Variants in CACNA1D observed in about 807,000 individuals in gnomAD.
The protein encoded by CACNA1D is voltage-dependent L-type calcium channel subunit alpha-1D.
A neutral mutation model predicts 257.1 loss-of-function variants in CACNA1D; 55 were observed. That is an observed-to-expected ratio of 0.21 (90% CI 0.17 to 0.27). The LOEUF (loss-of-function observed/expected upper bound fraction) is 0.27, where lower values mean the gene tolerates loss of function less well. CACNA1D is among the 10% of genes least tolerant of loss of function. The probability of loss-of-function intolerance (pLI) is 1.00; values close to 1 mark genes in which losing one functional copy is unlikely to be tolerated. For synonymous variants in CACNA1D, 980 were observed against 1,014.9 expected (o/e 0.97, Z 0.65); for missense variants, 1,876 against 2,784.0 (o/e 0.67, Z 7.34).
chr3:53,551,946 C>A (rs2107586711), intron 3 of CACNA1D, among the ~76,000 whole-genome samples: 1 of 152,290 alleles, frequency 6.6e-6, no homozygotes, highest in Non-Finnish European at 1.5e-5. Context: ...GTTTGTCTTC[C>A]CCTGGGGCTA....
intron 30 of CACNA1D, 150 bp downstream of exon 30, chr3:53,762,231 G>A: frequency 1.4e-6 from 1 of 708,722 alleles, no homozygotes; most frequent in Non-Finnish European, 2.6e-6. Flanking sequence ...AGAGCTGTAG[G>A]CAAGACGTGT....
At chr3:53,630,024 T>A (rs2093804703) in intron 3 of CACNA1D, among the ~76,000 whole-genome samples, 1 of 152,190 alleles carries the variant, frequency 6.6e-6, no homozygotes, top group African/African-American at 2.4e-5. Context: ...GCTGCACCTG[T>A]CCTTATATTT....
At chr3:53,645,767 C>T (rs887601005) in intron 3 of CACNA1D, among the ~76,000 whole-genome samples, 8 of 152,038 alleles carry the variant, frequency 5.3e-5, no homozygotes, top group African/African-American at 1.9e-4. Flanking sequence ...TCTGGGAGGT[C>T]AGTAAAGGTT....
At chr3:53,699,220 C>T (rs545972568) in intron 8 of CACNA1D, among the ~76,000 whole-genome samples, 1 of 152,270 alleles carries the variant, frequency 6.6e-6, no homozygotes, top group Non-Finnish European at 1.5e-5. Flanking sequence ...ACCCATGTGT[C>T]CTTCTATGTG....
chr3:53,777,266 G>A (rs115854528), intron 37 of CACNA1D, among the ~76,000 whole-genome samples: 5,731 of 152,262 alleles, frequency 0.038, 167 homozygotes, highest in Middle Eastern at 0.095. Context: ...AAGGAGGCAG[G>A]AGAATGGACA....
At chr3:53,662,668 C>T (rs2094216242) in intron 5 of CACNA1D, among the ~76,000 whole-genome samples, 1 of 152,196 alleles carries the variant, frequency 6.6e-6, no homozygotes, top group Admixed American at 6.5e-5. Flanking sequence ...CCACTTCTGC[C>T]TCCTTGACTA....
At chr3:53,535,221 A>G (rs1264562581) in intron 3 of CACNA1D, among the ~76,000 whole-genome samples, 1 of 151,504 alleles carries the variant, frequency 6.6e-6, no homozygotes, top group Non-Finnish European at 1.5e-5. Flanking sequence ...GAGCCTGGGC[A>G]CTCTCCCCTG....
intron 37 of CACNA1D, among the ~76,000 whole-genome samples, chr3:53,778,527 T>C (rs942968536): frequency 2.0e-5 from 3 of 152,234 alleles, no homozygotes; most frequent in African/African-American, 7.2e-5. Flanking sequence ...AATCTTTTCT[T>C]TTGGAACATG....
chr3:53,691,169 G>A (rs1336014443), intron 8 of CACNA1D, among the ~76,000 whole-genome samples: 1 of 148,852 alleles, frequency 6.7e-6, no homozygotes, highest in Non-Finnish European at 1.5e-5. Context: ...TTTTGGGGGG[G>A]AGATGGAGTC....
chr3:53,584,283 G>T (rs1394900264), intron 3 of CACNA1D, among the ~76,000 whole-genome samples: 1 of 152,190 alleles, frequency 6.6e-6, no homozygotes, highest in Non-Finnish European at 1.5e-5. Context: ...TGAACAGGAG[G>T]CAGTGGACAC....
chr3:53,713,234 G>C (rs2094779671), intron 9 of CACNA1D, among the ~76,000 whole-genome samples: 1 of 152,174 alleles, frequency 6.6e-6, no homozygotes, highest in Non-Finnish European at 1.5e-5. Context: ...AGTTATAGCA[G>C]GTCAGAGGTA....
chr3:53,504,223 G>A (rs2090728240), intron 3 of CACNA1D, among the ~76,000 whole-genome samples: 1 of 152,102 alleles, frequency 6.6e-6, no homozygotes, highest in Non-Finnish European at 1.5e-5. Context: ...TGAGTTGCAA[G>A]GCTGCATGTA....
intron 3 of CACNA1D, among the ~76,000 whole-genome samples, chr3:53,595,845 C>T (rs1395296898): frequency 6.6e-6 from 1 of 152,128 alleles, no homozygotes; most frequent in African/African-American, 2.4e-5. Flanking sequence ...GATCATAAGG[C>T]ATTTTGTGAC....
intron 3 of CACNA1D, among the ~76,000 whole-genome samples, chr3:53,642,986 A>G (rs756246562): frequency 2.6e-5 from 4 of 152,328 alleles, no homozygotes; most frequent in Non-Finnish European, 4.4e-5. Flanking sequence ...GGCTTTTACC[A>G]TAACACTGGT....
At chr3:53,540,205 A>G (rs1195439638) in intron 3 of CACNA1D, among the ~76,000 whole-genome samples, 2 of 149,174 alleles carry the variant, frequency 1.3e-5, no homozygotes, top group African/African-American at 2.5e-5. Flanking sequence ...TGTAACCTCT[A>G]CCTCCCAGGT....
chr3:53,543,779 C>T (rs1029601813), intron 3 of CACNA1D, among the ~76,000 whole-genome samples: 1 of 152,188 alleles, frequency 6.6e-6, no homozygotes, highest in Non-Finnish European at 1.5e-5. Context: ...TCCAGGGTCA[C>T]ATGGCTGGTA....
At chr3:53,557,512 G>A (rs1217360512) in intron 3 of CACNA1D, among the ~76,000 whole-genome samples, 3 of 152,078 alleles carry the variant, frequency 2.0e-5, no homozygotes, top group Admixed American at 6.5e-5. Flanking sequence ...AAGAAAAAAA[G>A]AAAGATCTGT....
At chr3:53,563,709 A>G (rs947782569) in intron 3 of CACNA1D, among the ~76,000 whole-genome samples, 1 of 152,094 alleles carries the variant, frequency 6.6e-6, no homozygotes, top group African/African-American at 2.4e-5. Context: ...TACTTCTTAG[A>G]TTTATCGGTA....
intron 25 of CACNA1D, among the ~76,000 whole-genome samples, chr3:53,746,851 A>T (rs926204833): frequency 2.0e-5 from 3 of 152,266 alleles, no homozygotes; most frequent in African/African-American, 7.2e-5. Flanking sequence ...TTCGGAAAGA[A>T]AATTGGGAAT....
Sources: allele counts gnomAD v4.1 joint callset (sites outside exome capture counted in the v4.1 genomes callset), GRCh38; gene constraint gnomAD v4.1.1; transcripts MANE v1.5; gene names NCBI Gene and HGNC (gene_info 2026-07-23, HGNC 2026-07-21).